MINDY2: variants seen among roughly 807,000 people sequenced by gnomAD.
The protein encoded by MINDY2 is ubiquitin carboxyl-terminal hydrolase MINDY-2.
In MINDY2, 52 loss-of-function variants were observed where a neutral mutation model predicts 68.2. That is an observed-to-expected ratio of 0.76 (90% CI 0.61 to 0.96). MINDY2 has a LOEUF of 0.96. Ranked by LOEUF, MINDY2 falls within the 40% of genes least tolerant of loss-of-function variation. The pLI, the probability that MINDY2 is intolerant of heterozygous loss-of-function variation, is 0.00. For synonymous variants in MINDY2, 372 were observed against 303.0 expected (o/e 1.23, Z -2.36); for missense variants, 881 against 773.4 (o/e 1.14, Z -1.65).
chr15:58,791,053 A>C (rs573671285), intron 2 of MINDY2, among the ~76,000 whole-genome samples: 2 of 150,256 alleles, frequency 1.3e-5, no homozygotes, highest in East Asian at 3.9e-4. Context: ...GGTGGCGGGC[A>C]CGTGTAGTCC....
chr15:58,777,853 G>T (rs1900872761), intron 1 of MINDY2, among the ~76,000 whole-genome samples: 1 of 151,882 alleles, frequency 6.6e-6, no homozygotes, highest in Admixed American at 6.6e-5. Context: ...AAACTCCTGG[G>T]CTCAAATTAC....
rs1225952047 is a variant in MINDY2, at chr15:58,821,329, TA to T, written c.1123-374del. 4.5e-3 allele frequency among the ~76,000 whole-genome samples: 628 copies of T among 140,856 alleles called. 3 individuals carry two copies. The highest frequency in any genetic ancestry group is 8.3e-3 in the African/African-American group (322 of 38,836). The allele number at this position is 140,856 out of a possible 152,430, so 92.4% of individuals were successfully genotyped here. A position where few individuals can be genotyped will look rare whatever the true frequency, so the allele number is the denominator to read the frequency against. On this transcript the variant is annotated intron_variant, in intron 4 of 8. Transcript: ENST00000559228. ...AAATGTGCAACATTTGTTTTTTAGT[TA>T]AAAAAAAAAAAAACTTGATACTTTA...
At chr15:58,817,354 T>G (rs2030754058) in intron 4 of MINDY2, among the ~76,000 whole-genome samples, 1 of 152,028 alleles carries the variant, frequency 6.6e-6, no homozygotes, top group South Asian at 2.1e-4. Context: ...ACATATGAAT[T>G]GGTCATCAGA....
chr15:58,825,972 G>T (rs1024632209), intron 5 of MINDY2, among the ~76,000 whole-genome samples: 4 of 152,082 alleles, frequency 2.6e-5, no homozygotes, highest in Non-Finnish European at 5.9e-5. Context: ...TCTAGGATAT[G>T]TATTCGTTAA....
At chr15:58,788,053 A>C in intron 2 of MINDY2, 90 bp downstream of exon 2, 1 of 810,154 alleles carries the variant, frequency 1.2e-6, no homozygotes, top group Non-Finnish European at 1.9e-6. Flanking sequence ...CTGAAGTGCT[A>C]TTATATAATC....
At chr15:58,813,277 T>G (rs2030428946) in intron 4 of MINDY2, among the ~76,000 whole-genome samples, 1 of 152,134 alleles carries the variant, frequency 6.6e-6, no homozygotes, top group Non-Finnish European at 1.5e-5. Context: ...GGTGAATCAC[T>G]TGAGACCAGG....
At chr15:58,775,403 G>A (rs1409917810) in intron 1 of MINDY2, among the ~76,000 whole-genome samples, 3 of 152,140 alleles carry the variant, frequency 2.0e-5, no homozygotes, top group Non-Finnish European at 2.9e-5. Flanking sequence ...GAGGACCCAT[G>A]GCTATAGGTG....
chr15:58,820,118 T>G (rs1461337169), intron 4 of MINDY2, among the ~76,000 whole-genome samples: 7 of 151,878 alleles, frequency 4.6e-5, no homozygotes, highest in Non-Finnish European at 1.0e-4. Flanking sequence ...ATACAAAAAT[T>G]AGTTGGGCAT....
chr15:58,854,528 G>A lies in MINDY2; in HGVS notation c.1784G>A (p.Gly595Glu). 6.2e-7 allele frequency: 1 copy of A among 1,613,634 alleles called. No individual in the cohort carries two copies. Among genetic ancestry groups the A allele is most frequent in the East Asian group, 2.2e-5 (1 of 44,852 alleles). ...TCTCCATCAAGTGGAAGACAATCTG[G>A]GAATAGTGAACGTAAACGGAAGGAA... is the stretch of plus-strand genomic sequence containing the variant. ...QASPSSGRQS[G>E]NSERKRKEPR... Residue 595 changes from glycine to glutamate, a missense_variant, in exon 9 of 9, where the codon GGG (glycine) becomes GAG (glutamate). Gly to Glu is a moderately conservative substitution (Grantham distance 98, BLOSUM62 -2). Transcript: ENST00000559228.
At chr15:58,786,485 G>A (rs751841920) in intron 1 of MINDY2, among the ~76,000 whole-genome samples, 5 of 152,092 alleles carry the variant, frequency 3.3e-5, no homozygotes, top group African/African-American at 7.2e-5. Context: ...ATTTGACAAC[G>A]CATTTGAACA....
intron 8 of MINDY2, among the ~76,000 whole-genome samples, chr15:58,853,487 C>A (rs1431682738): frequency 6.6e-6 from 1 of 152,038 alleles, no homozygotes; most frequent in East Asian, 1.9e-4. Context: ...TACACTTATT[C>A]CAAACTCCCA....
chr15:58,795,228 G>A (rs1364981977), intron 2 of MINDY2, among the ~76,000 whole-genome samples: 3 of 151,862 alleles, frequency 2.0e-5, no homozygotes, highest in African/African-American at 7.3e-5. Context: ...AGATAATAGA[G>A]AAAAGAAGAG....
chr15:58,785,884 G>A (rs1409359007), intron 1 of MINDY2, among the ~76,000 whole-genome samples: 2 of 151,968 alleles, frequency 1.3e-5, no homozygotes, highest in Non-Finnish European at 2.9e-5. Context: ...TCACCAAGTT[G>A]GCCAGGCTCG....
chr15:58,788,581 T>G (rs1567042309), intron 2 of MINDY2, among the ~76,000 whole-genome samples: 1 of 152,204 alleles, frequency 6.6e-6, no homozygotes, highest in Non-Finnish European at 1.5e-5. Flanking sequence ...CTACATTGAG[T>G]TGAACTTGTT....
chr15:58,788,470 T>C (rs1240286490), intron 2 of MINDY2, among the ~76,000 whole-genome samples: 1 of 152,204 alleles, frequency 6.6e-6, no homozygotes, highest in Non-Finnish European at 1.5e-5. Context: ...TGAAATTTTT[T>C]TATAGGGAAA....
At chr15:58,792,435 G>A (rs558289765) in intron 2 of MINDY2, among the ~76,000 whole-genome samples, 2 of 152,224 alleles carry the variant, frequency 1.3e-5, no homozygotes, top group African/African-American at 4.8e-5. Flanking sequence ...GTAAAACCCC[G>A]TCTCTACTAA....
chr15:58,835,949 AC>A (rs1303762112), intron 6 of MINDY2, among the ~76,000 whole-genome samples: 1 of 151,978 alleles, frequency 6.6e-6, no homozygotes. Flanking sequence ...TCTTGCTGTC[AC>A]CCAGGCTGGA....
At chr15:58,839,346 T>TTTG (rs1567071324) in intron 6 of MINDY2, among the ~76,000 whole-genome samples, 138 of 87,490 alleles carry the variant, frequency 1.6e-3, no homozygotes, top group African/African-American at 6.7e-3. Flanking sequence ...TTGTTTGTTT[T>TTTG]TTTGAGATGA....
chr15:58,819,841 C>T (rs1271422537), intron 4 of MINDY2, among the ~76,000 whole-genome samples: 1 of 152,198 alleles, frequency 6.6e-6, no homozygotes, highest in Non-Finnish European at 1.5e-5. Flanking sequence ...AAAGCTGGAA[C>T]TCATAGATGT....
Sources: allele counts gnomAD v4.1 joint callset (sites outside exome capture counted in the v4.1 genomes callset), GRCh38; gene constraint gnomAD v4.1.1; transcripts MANE v1.5; gene names NCBI Gene and HGNC (gene_info 2026-07-23, HGNC 2026-07-21).